Variants in NPHP4 observed in about 807,000 individuals in gnomAD.
NPHP4 encodes nephrocystin-4.
A neutral mutation model predicts 155.8 loss-of-function variants in NPHP4; 151 were observed. The ratio of observed to expected loss-of-function variants is 0.97; its 90% confidence interval spans 0.85 to 1.11. NPHP4 has a LOEUF of 1.11. Ranked by LOEUF, NPHP4 falls within the 50% of genes least tolerant of loss-of-function variation. The probability of loss-of-function intolerance (pLI) is 0.00; values close to 1 mark genes in which losing one functional copy is unlikely to be tolerated. For synonymous variants in NPHP4, 845 were observed against 816.8 expected, an observed-to-expected ratio of 1.03 and a Z score of -0.59; for missense variants, 1,956 against 1,925.7, an observed-to-expected ratio of 1.02 and a Z score of -0.29.
intron 11 of NPHP4, among the ~76,000 whole-genome samples, chr1:5,924,233 C>G (rs369572794): frequency 6.6e-6 from 1 of 152,014 alleles, no homozygotes; most frequent in East Asian, 1.9e-4. Context: ...AGAGTATCAG[C>G]GAGCTGTGAG....
intron 6 of NPHP4, among the ~76,000 whole-genome samples, chr1:5,960,164 C>T (rs1015945370): frequency 6.6e-6 from 1 of 152,196 alleles, no homozygotes; most frequent in Admixed American, 6.5e-5. Context: ...AGGCAGATTA[C>T]AGGGTAAGAC....
intron 5 of NPHP4, among the ~76,000 whole-genome samples, chr1:5,964,941 A>ATATATATATATTTTTTT: frequency 8.4e-5 from 5 of 59,422 alleles, no homozygotes; most frequent in South Asian, 5.2e-4. Flanking sequence ...ATATATATAT[A>ATATATATATATTTTTTT]TTTTTTTTTT....
At chr1:5,959,919 G>C (rs1163628169) in intron 6 of NPHP4, among the ~76,000 whole-genome samples, 1 of 152,168 alleles carries the variant, frequency 6.6e-6, no homozygotes, top group Non-Finnish European at 1.5e-5. Flanking sequence ...CTAGTTCCAA[G>C]ATCAATATCA....
intron 6 of NPHP4, among the ~76,000 whole-genome samples, chr1:5,959,707 C>G (rs554390030): frequency 6.6e-6 from 1 of 152,316 alleles, no homozygotes; most frequent in Admixed American, 6.5e-5. Context: ...CATCTCACAG[C>G]TAGTCCCAAG....
intron 16 of NPHP4, among the ~76,000 whole-genome samples, chr1:5,893,636 C>T (rs941548538): frequency 4.6e-5 from 7 of 152,206 alleles, no homozygotes; most frequent in Admixed American, 1.3e-4. Flanking sequence ...CACAGGGAGA[C>T]GGTTAGGCCT....
intron 9 of NPHP4, among the ~76,000 whole-genome samples, chr1:5,946,610 C>T (rs548204656): frequency 1.3e-5 from 2 of 152,152 alleles, no homozygotes; most frequent in Non-Finnish European, 2.9e-5. Flanking sequence ...CTCCTGAAAC[C>T]CCCGGAATCT....
At chr1:5,962,053 A>G in intron 5 of NPHP4, 104 bp from the exon 6 acceptor site, 2 of 844,056 alleles carry the variant, frequency 2.4e-6, no homozygotes, top group South Asian at 3.7e-5. Flanking sequence ...ACAAACAGGA[A>G]AAGGACTTTT....
intron 16 of NPHP4, among the ~76,000 whole-genome samples, chr1:5,902,502 C>T (rs1426691218): frequency 6.6e-6 from 1 of 152,230 alleles, no homozygotes; most frequent in Non-Finnish European, 1.5e-5. Context: ...GGACAAGAAA[C>T]AAGAAGCATG....
At chr1:5,933,751 C>G (rs1646396643) in intron 9 of NPHP4, among the ~76,000 whole-genome samples, 1 of 152,206 alleles carries the variant, frequency 6.6e-6, no homozygotes, top group Admixed American at 6.5e-5. Flanking sequence ...CTTTGAATTC[C>G]TAATCAGAAA....
intron 23 of NPHP4, among the ~76,000 whole-genome samples, chr1:5,868,850 GCACA>G (rs1491543747): frequency 1.3e-5 from 1 of 75,200 alleles, no homozygotes; most frequent in South Asian, 4.3e-4. Flanking sequence ...ACACACGCAT[GCACA>G]CACATACATG....
At chr1:5,945,911 C>CT (rs1647067584) in intron 9 of NPHP4, among the ~76,000 whole-genome samples, 1 of 152,114 alleles carries the variant, frequency 6.6e-6, no homozygotes, top group African/African-American at 2.4e-5. Context: ...TGTCCCCCCC[C>CT]AGGGCGTGAA....
At position 5,907,095 on chromosome 1, in the gene NPHP4, G is replaced by A. The variant is rs374368843; in HGVS notation, c.1611+20C>T. 85 of 1,385,832 alleles carry A rather than the reference G, an allele frequency of 6.1e-5. No individual in the cohort carries two copies. Among genetic ancestry groups the A allele is most frequent in the Non-Finnish European group, 7.7e-5 (79 of 1,025,348 alleles). 85.8% of individuals were successfully genotyped at this position (1,385,832 alleles called of 1,614,324 possible). A position where few individuals can be genotyped will look rare whatever the true frequency, so the allele number is the denominator to read the frequency against. On this transcript the variant is annotated intron_variant, in intron 13 of 29. Coordinates refer to ENST00000378156, the MANE Select transcript of NPHP4 (RefSeq NM_015102.5). Reference sequence around the variant, plus strand: ...GCCATTCCTTGGTGGAAGGCAAGGCGGCAGGTGGGCGGCACTTACTGCCTG... The same window carrying A: ...GCCATTCCTTGGTGGAAGGCAAGGCAGCAGGTGGGCGGCACTTACTGCCTG...
Position 5,905,296 on chromosome 1 carries a change from T to C in NPHP4, c.1951A>G (p.Ser651Gly), listed in dbSNP as rs754579397. The C allele has an allele frequency of 6.2e-7, 1 of 1,612,706 alleles. No individual in the cohort carries two copies. Among genetic ancestry groups the C allele is most frequent in the South Asian group, 1.1e-5 (1 of 91,060 alleles). ...NEMVLQFLAFSRVAQDCRGTS... is the reference protein window; with the variant it reads ...NEMVLQFLAFGRVAQDCRGTS... ...ACAGAATATTCAAGGATTTACCTGC[T>C]AAAGGCAAGAAACTGTAGCACCATC... The change falls in exon 15 of 30, where the codon AGC becomes GGC. Residue 651 changes from serine (S) to glycine (G), a missense_variant. Physicochemically the swap from Ser to Gly is moderately conservative, Grantham distance 56. Coordinates refer to ENST00000378156, the MANE Select transcript of NPHP4 (RefSeq NM_015102.5). This position sits in a 1 kb window ranked among gnomAD's most constrained non-coding sequence, Gnocchi z 4.0.
At chr1:5,969,928 T>C (rs1163176290) in intron 3 of NPHP4, among the ~76,000 whole-genome samples, 1 of 152,190 alleles carries the variant, frequency 6.6e-6, no homozygotes, top group Non-Finnish European at 1.5e-5. Context: ...CACCTTGAGA[T>C]CATTTTATTA....
intron 3 of NPHP4, among the ~76,000 whole-genome samples, chr1:5,977,818 A>T (rs1214233646): frequency 2.8e-5 from 1 of 35,548 alleles, no homozygotes; most frequent in African/African-American, 1.1e-4. Flanking sequence ...ACTTTACTAA[A>T]TCTTAGTTTG....
intron 6 of NPHP4, among the ~76,000 whole-genome samples, chr1:5,956,348 C>G (rs1649235904): frequency 6.6e-6 from 1 of 152,218 alleles, no homozygotes; most frequent in Non-Finnish European, 1.5e-5. Flanking sequence ...TAGTTGTGAC[C>G]CTGGTCTGCA....
At chr1:5,874,043 G>A (rs55857240) in intron 22 of NPHP4, among the ~76,000 whole-genome samples, 4,931 of 151,662 alleles carry the variant, frequency 0.033, 106 homozygotes, top group Non-Finnish European at 0.049. Flanking sequence ...CTGCACGCAC[G>A]CTCCCTGCAC....
chr1:5,921,964 T>C (rs2101594943), intron 11 of NPHP4, among the ~76,000 whole-genome samples: 1 of 152,360 alleles, frequency 6.6e-6, no homozygotes, highest in East Asian at 1.9e-4. Flanking sequence ...CCAGAACCTA[T>C]ACATATGTTC....
intron 6 of NPHP4, among the ~76,000 whole-genome samples, chr1:5,956,889 A>T (rs1649342056): frequency 5.9e-5 from 9 of 152,254 alleles, no homozygotes; most frequent in Admixed American, 5.9e-4. Flanking sequence ...AAAAGCAAAG[A>T]CTTGGAGAGG....
Sources: allele counts gnomAD v4.1 joint callset (sites outside exome capture counted in the v4.1 genomes callset), GRCh38; gene constraint gnomAD v4.1.1; non-coding constraint Gnocchi (gnomAD v3.1); transcripts MANE v1.5; gene names NCBI Gene and HGNC (gene_info 2026-07-23, HGNC 2026-07-21).